The following CRYBG1 variants were observed in gnomAD, a reference collection of about 807,000 sequenced individuals.
CRYBG1 encodes the protein beta/gamma crystallin domain-containing protein 1.
Under a neutral mutation model 189.2 loss-of-function variants are expected in CRYBG1, and 139 were observed. The observed-to-expected ratio is 0.73, with a 90% CI of 0.64 to 0.85. The LOEUF is 0.85. Among genes scored for constraint, CRYBG1 ranks in the 40% least tolerant of loss-of-function variants. The pLI is 0.00. For synonymous variants in CRYBG1, 1,023 were observed against 1,017.1 expected, an observed-to-expected ratio of 1.01 and a Z score of -0.11; for missense variants, 2,611 against 2,675.8, an observed-to-expected ratio of 0.98 and a Z score of 0.53.
intron 4 of CRYBG1, among the ~76,000 whole-genome samples, chr6:106,521,955 G>A (rs145515269): frequency 0.037 from 5,611 of 151,996 alleles, 147 homozygotes; most frequent in Non-Finnish European, 0.056. Flanking sequence ...GGCTGGTCTC[G>A]AACTCCTGAC....
At position 106,520,567 on chromosome 6, in the gene CRYBG1, G is replaced by A. The variant is rs1185715629; in HGVS notation, c.3359G>A (p.Cys1120Tyr). 1 of 1,613,962 alleles carries A rather than the reference G, an allele frequency of 6.2e-7. No homozygotes were observed. The highest frequency in any genetic ancestry group is 1.3e-5 in the African/African-American group (1 of 74,910). Reference protein sequence around the residue: ...EIIKQMDSAVCMPMKRKKARM... With the variant: ...EIIKQMDSAVYMPMKRKKARM... ...ATAAAACAGATGGATAGCGCAGTTT[G>A]TATGCCCATGAAAAGAAAGAAGGCC... is the stretch of plus-strand genomic sequence containing the variant. The change falls in exon 4 of 22, where the codon TGT becomes TAT. Residue 1120 changes from cysteine (C) to tyrosine (Y), a missense_variant. Cys to Tyr is a radical substitution (Grantham distance 194). Coordinates refer to ENST00000633556, the MANE Select transcript of CRYBG1 (RefSeq NM_001371242.2).
intron 1 of CRYBG1, among the ~76,000 whole-genome samples, chr6:106,413,698 A>G (rs1227760246): frequency 2.6e-5 from 4 of 151,956 alleles, no homozygotes; most frequent in East Asian, 3.9e-4. Flanking sequence ...AAGTGGACAC[A>G]TGTTCACTGC....
Position 106,521,061 on chromosome 6 carries a change from C to T in CRYBG1, c.3853C>T (p.Gln1285Ter), listed in dbSNP as rs772891918. The T allele has an allele frequency of 1.2e-6, 2 of 1,614,088 alleles. No homozygotes were observed. The highest frequency in any genetic ancestry group is 1.3e-5 in the African/African-American group (1 of 74,930). The change falls in exon 4 of 22, where the codon CAG becomes TAG. Residue 1285 changes from glutamine (Q) to a stop codon, truncating the protein, a stop_gained. Transcript: ENST00000633556. LOFTEE classifies it high-confidence loss of function. Reference protein sequence around the residue: ...NGSLSQSSVSQPTTEGAPPCG... With the variant: ...NGSLSQSSVS ...TTCCCTATCTCAGTCTTCAGTGTCA[C>T]AGCCCACGACTGAGGGTGCCCCGCC...
intron 16 of CRYBG1, among the ~76,000 whole-genome samples, chr6:106,554,047 A>G (rs1774472526): frequency 1.3e-5 from 2 of 152,216 alleles, no homozygotes; most frequent in South Asian, 2.1e-4. Flanking sequence ...TGGCTTCCAC[A>G]GGAAACACAA....
chr6:106,370,772 T>C (rs1770008458), intron 1 of CRYBG1, among the ~76,000 whole-genome samples: 1 of 152,150 alleles, frequency 6.6e-6, no homozygotes, highest in African/African-American at 2.4e-5. Context: ...TTGTGTACTA[T>C]ACCTTCACTC....
intron 1 of CRYBG1, among the ~76,000 whole-genome samples, chr6:106,408,703 C>T (rs1032230528): frequency 3.9e-5 from 6 of 152,190 alleles, no homozygotes; most frequent in Admixed American, 2.0e-4. Context: ...TGGGATGATG[C>T]AAGGCTGCTT....
intron 1 of CRYBG1, among the ~76,000 whole-genome samples, chr6:106,399,635 G>T (rs1284734073): frequency 6.7e-6 from 1 of 149,732 alleles, no homozygotes. Context: ...TTTCCGATCG[G>T]TCCTTTTTTT....
chr6:106,364,436 C>T (rs922141959), intron 1 of CRYBG1, among the ~76,000 whole-genome samples: 2 of 152,162 alleles, frequency 1.3e-5, no homozygotes, highest in Non-Finnish European at 2.9e-5. Context: ...TTGGTATAGA[C>T]ATTCTAATCA....
intron 1 of CRYBG1, among the ~76,000 whole-genome samples, chr6:106,405,070 G>A (rs1770796378): frequency 6.6e-6 from 1 of 152,096 alleles, no homozygotes; most frequent in African/African-American, 2.4e-5. Context: ...TGAAACCAGG[G>A]AGCCAAGTGG....
chr6:106,505,754 A>G (rs1773117992), intron 2 of CRYBG1, among the ~76,000 whole-genome samples: 1 of 151,628 alleles, frequency 6.6e-6, no homozygotes, highest in Admixed American at 6.6e-5. Context: ...ACTGCTCAGG[A>G]AAAAAAGTTG....
chr6:106,423,788 C>T (rs1414449272), intron 1 of CRYBG1, among the ~76,000 whole-genome samples: 1 of 145,638 alleles, frequency 6.9e-6, no homozygotes, highest in Non-Finnish European at 1.5e-5. Flanking sequence ...TCACTGCAGC[C>T]TCAGTCTCCG....
At chr6:106,474,601 G>C (rs760008308) in intron 2 of CRYBG1, among the ~76,000 whole-genome samples, 1 of 151,816 alleles carries the variant, frequency 6.6e-6, no homozygotes, top group Non-Finnish European at 1.5e-5. Context: ...GCTTTTAAAA[G>C]GCCTATGTGT....
At chr6:106,477,084 C>T (rs972999233) in intron 2 of CRYBG1, among the ~76,000 whole-genome samples, 3 of 152,188 alleles carry the variant, frequency 2.0e-5, no homozygotes, top group African/African-American at 7.2e-5. Context: ...GCATACAGAG[C>T]TGTAGGCATA....
At chr6:106,433,743 ATGT>A in intron 1 of CRYBG1, among the ~76,000 whole-genome samples, 1 of 45,544 alleles carries the variant, frequency 2.2e-5, no homozygotes, top group Non-Finnish European at 3.9e-5. Context: ...ATACATATAT[ATGT>A]ATATATATAT....
rs1482123868 is a variant in CRYBG1, at chr6:106,481,108, G to A, written c.312+29276G>A. 4.0e-5 allele frequency among the ~76,000 whole-genome samples: 4 copies of A among 101,202 alleles called. 1 individual carries two copies. Among genetic ancestry groups the A allele is most frequent in the African/African-American group, 1.7e-4 (4 of 23,498 alleles). The allele number at this position is 101,202 out of a possible 152,430, so 66.4% of individuals were successfully genotyped here. On this transcript the variant is annotated intron_variant, in intron 2 of 21. Transcript: ENST00000633556. ...CCTGCCTCAGCCTCCCAAGTAGCTG[G>A]GACTACAGGCGCCCGCCACCACGCC...
rs3067978 is a variant in CRYBG1, at chr6:106,375,385, T to TTAAGTAAG, written c.173+14336_173+14343dup. Among the ~76,000 whole-genome samples the TTAAGTAAG allele has an allele frequency of 4.2e-3, 612 of 145,082 alleles. 2 individuals are homozygous for TTAAGTAAG. Among genetic ancestry groups the TTAAGTAAG allele is most frequent in the South Asian group, 0.01 (45 of 4,312 alleles). On this transcript the variant is annotated intron_variant, in intron 1 of 21. Coordinates refer to ENST00000633556, the MANE Select transcript of CRYBG1 (RefSeq NM_001371242.2). ...TGGGAGACAGAGTGAGGCCCTGTCT[T>TTAAGTAAG]TAAGTAAGTAAGTAAGTAAGTAAGT...
intron 8 of CRYBG1, among the ~76,000 whole-genome samples, chr6:106,533,944 G>A (rs916013946): frequency 5.3e-5 from 8 of 152,234 alleles, no homozygotes; most frequent in African/African-American, 1.4e-4. Context: ...GGGAGTGGGT[G>A]TAGTTAAGGG....
chr6:106,376,272 C>G (rs576063114), intron 1 of CRYBG1, among the ~76,000 whole-genome samples: 1 of 152,302 alleles, frequency 6.6e-6, no homozygotes, highest in East Asian at 1.9e-4. Flanking sequence ...CCTCTCCCTA[C>G]TTCATTAAAA....
At chr6:106,497,947 T>TA (rs1772891445) in intron 2 of CRYBG1, among the ~76,000 whole-genome samples, 2 of 151,340 alleles carry the variant, frequency 1.3e-5, no homozygotes, top group Admixed American at 1.3e-4. Context: ...AAAAAAAAAT[T>TA]AAAAATAGCT....
Sources: gnomAD v4.1 joint callset for allele counts (sites outside exome capture counted in the v4.1 genomes callset) on GRCh38, gnomAD v4.1.1 for gene constraint, MANE v1.5 for transcripts, NCBI Gene and HGNC (gene_info 2026-07-23, HGNC 2026-07-21) for gene names.